Variants in FLRT2 observed in about 807,000 individuals in gnomAD.
FLRT2 encodes the protein fibronectin leucine rich transmembrane protein 2, also known as leucine-rich repeat transmembrane protein FLRT2.
A neutral mutation model predicts 40.0 loss-of-function variants in FLRT2; 15 were observed. The ratio of observed to expected loss-of-function variants is 0.38; its 90% confidence interval spans 0.25 to 0.58. The LOEUF is 0.58. Among genes scored for constraint, FLRT2 ranks in the 20% least tolerant of loss-of-function variants. The pLI is 0.71. For synonymous variants in FLRT2, 380 were observed against 336.8 expected, an observed-to-expected ratio of 1.13 and a Z score of -1.41; for missense variants, 726 against 840.0, an observed-to-expected ratio of 0.86 and a Z score of 1.68.
chr14:85,533,600 C>G (rs1461172313), intron 1 of FLRT2, among the ~76,000 whole-genome samples: 1 of 152,030 alleles, frequency 6.6e-6, no homozygotes, highest in Non-Finnish European at 1.5e-5. Context: ...GTTGGCTTGG[C>G]GAAGCGGAGA....
At chr14:85,566,811 G>A (rs1890647354) in intron 1 of FLRT2, among the ~76,000 whole-genome samples, 1 of 150,096 alleles carries the variant, frequency 6.7e-6, no homozygotes, top group Non-Finnish European at 1.5e-5. Context: ...CTATGTATTA[G>A]CTTCCCAGGA....
Position 85,644,544 on chromosome 14 carries a change from A to C in FLRT2, c.*21047A>C, listed in dbSNP as rs1894245056. 1 of 152,172 alleles carries C rather than the reference A, an allele frequency of 6.6e-6. No individual in the cohort carries two copies. Among genetic ancestry groups the C allele is most frequent in the African/African-American group, 2.4e-5 (1 of 41,436 alleles). 9.4% of individuals were successfully genotyped at this position (152,172 alleles called of 1,614,324 possible). A position where few individuals can be genotyped will look rare whatever the true frequency, so the allele number is the denominator to read the frequency against. ...CACATGCATTCAAGAAGGTAGAAGAAAATTCTCACTAAAACTCAGGGACAT... is the reference window on the plus strand; with the variant it reads ...CACATGCATTCAAGAAGGTAGAAGACAATTCTCACTAAAACTCAGGGACAT... On this transcript the variant is annotated 3_prime_UTR_variant, in exon 2 of 2. Coordinates refer to ENST00000330753, the MANE Select transcript of FLRT2 (RefSeq NM_013231.6).
rs922087932 is a variant in FLRT2 at position 85,640,604 on chromosome 14, C to A, written c.*17107C>A. ...CATCAAGGTCTGTACCATGATTGAA[C>A]TACTTGCTGCCATAAATTTTTTACT... On this transcript the variant is annotated 3_prime_UTR_variant, in exon 2 of 2. Coordinates refer to ENST00000330753, the MANE Select transcript of FLRT2 (RefSeq NM_013231.6). 1 of 152,134 alleles carries A rather than the reference C, an allele frequency of 6.6e-6. No homozygotes were observed. The highest frequency in any genetic ancestry group is 6.5e-5 in the Admixed American group (1 of 15,274). The allele number at this position is 152,134 out of a possible 1,614,324, so 9.4% of individuals were successfully genotyped here.
intron 1 of FLRT2, among the ~76,000 whole-genome samples, chr14:85,614,523 G>A (rs1893035491): frequency 6.6e-6 from 1 of 152,212 alleles, no homozygotes; most frequent in East Asian, 1.9e-4. Flanking sequence ...CCGGAAGAGA[G>A]AAGGACCAGT....
chr14:85,577,863 G>A (rs1891188274), intron 1 of FLRT2, among the ~76,000 whole-genome samples: 1 of 151,956 alleles, frequency 6.6e-6, no homozygotes, highest in South Asian at 2.1e-4. Context: ...TTACAGGTGT[G>A]AGCTACCACA....
chr14:85,569,437 G>A (rs116699512), intron 1 of FLRT2, among the ~76,000 whole-genome samples: 1 of 152,132 alleles, frequency 6.6e-6, no homozygotes, highest in Non-Finnish European at 1.5e-5. Flanking sequence ...TGGGACTGTG[G>A]GACCAGGACA....
chr14:85,612,148 GAA>G (rs11298273), intron 1 of FLRT2, among the ~76,000 whole-genome samples: 116 of 144,172 alleles, frequency 8.0e-4, no homozygotes, highest in South Asian at 3.3e-3. Flanking sequence ...TTTAAAAAAA[GAA>G]AAAAAAAAAC....
chr14:85,611,207 A>C (rs1333145628), intron 1 of FLRT2, among the ~76,000 whole-genome samples: 1 of 151,980 alleles, frequency 6.6e-6, no homozygotes, highest in East Asian at 1.9e-4. Flanking sequence ...CACCTTCCTG[A>C]CTGTAGGGAC....
In FLRT2 at chr14:85,623,348, T is replaced by C; in HGVS notation, c.1834T>C (p.Leu612=). The change falls in exon 2 of 2, where the codon TTA becomes CTA. Residue 612 remains leucine (L), a synonymous_variant. Coordinates refer to ENST00000330753, the MANE Select transcript of FLRT2 (RefSeq NM_013231.6). ...AGAAACCAGTTTTCAGATCGTCTCC[T>C]TAAATAACGATCAACTCCTTAAAGG... ...MTETSFQIVS[L]NNDQLLKGDF... 3 of 1,523,488 alleles carry C rather than the reference T, an allele frequency of 2.0e-6. No individual in the cohort carries two copies. Among genetic ancestry groups the C allele is most frequent in the Non-Finnish European group, 2.6e-6 (3 of 1,137,406 alleles). 94.4% of individuals were successfully genotyped at this position (1,523,488 alleles called of 1,614,324 possible). A position where few individuals can be genotyped will look rare whatever the true frequency, so the allele number is the denominator to read the frequency against.
chr14:85,627,691 G>A lies in FLRT2; in HGVS notation c.*4194G>A, dbSNP rs10309. ...CATTGCCAAGTGTGTGTCGCTCATA[G>A]GACTAGTGTATATTCACTGAAAGTT... On this transcript the variant is annotated 3_prime_UTR_variant, in exon 2 of 2. Transcript: ENST00000330753. The A allele has an allele frequency of 0.22, 36,313 of 166,970 alleles. 4,346 individuals carry two copies. Among genetic ancestry groups the A allele is most frequent in the Non-Finnish European group, 0.28 (18,956 of 68,068 alleles). 10.3% of individuals were successfully genotyped at this position (166,970 alleles called of 1,614,324 possible).
intron 1 of FLRT2, among the ~76,000 whole-genome samples, chr14:85,589,572 C>A (rs551608488): frequency 3.1e-4 from 47 of 151,996 alleles, no homozygotes; most frequent in African/African-American, 1.1e-3. Flanking sequence ...TGTCTCTTCA[C>A]CTTGTGGATT....
At position 85,623,315 on chromosome 14, in the gene FLRT2, G is replaced by A; in HGVS notation, c.1801G>A (p.Glu601Lys). The stretch of plus-strand genomic sequence containing the variant: ...CACCAAGAAGGACAACTCCATCCTG[G>A]AGATGACAGAAACCAGTTTTCAGAT... ...AGTKKDNSIL[E>K]MTETSFQIVS... The change falls in exon 2 of 2, where the codon GAG becomes AAG. Residue 601 changes from glutamate to lysine, a missense_variant. By Grantham distance (56) the Glu-to-Lys change is moderately conservative. Transcript: ENST00000330753. 6.6e-7 allele frequency: 1 copy of A among 1,516,022 alleles called. No individual in the cohort carries two copies. Among genetic ancestry groups the A allele is most frequent in the Non-Finnish European group, 8.8e-7 (1 of 1,133,552 alleles). The allele number at this position is 1,516,022 out of a possible 1,614,324, so 93.9% of individuals were successfully genotyped here. A position where few individuals can be genotyped will look rare whatever the true frequency, so the allele number is the denominator to read the frequency against.
rs1223448944 is a variant in FLRT2, at chr14:85,637,890, G to A, written c.*14393G>A. 2.0e-5 allele frequency: 3 copies of A among 152,142 alleles called. No individual in the cohort carries two copies. The highest frequency in any genetic ancestry group is 2.0e-4 in the Admixed American group (3 of 15,274). The allele number at this position is 152,142 out of a possible 1,614,324, so 9.4% of individuals were successfully genotyped here. On this transcript the variant is annotated 3_prime_UTR_variant, in exon 2 of 2. Transcript: ENST00000330753. ...TAATTATATGAACCCATATAGTAGT[G>A]TCATTTAAAGGGAATTTAAATTCTC...
At chr14:85,543,689 A>G (rs564038519) in intron 1 of FLRT2, among the ~76,000 whole-genome samples, 185 of 152,232 alleles carry the variant, frequency 1.2e-3, no homozygotes, top group Non-Finnish European at 2.1e-3. Flanking sequence ...CTGTACCCTC[A>G]TGCCAAACAT....
At position 85,621,897 on chromosome 14, in the gene FLRT2, C is replaced by T; in HGVS notation, c.383C>T (p.Ala128Val). 6 of 1,605,970 alleles carry T rather than the reference C, an allele frequency of 3.7e-6. No homozygotes were observed. Among genetic ancestry groups the T allele is most frequent in the Non-Finnish European group, 5.1e-6 (6 of 1,175,284 alleles). The change falls in exon 2 of 2, where the codon GCT becomes GTT. Residue 128 changes from alanine to valine, a missense_variant. Physicochemically the swap from Ala to Val is moderately conservative, Grantham distance 64. Coordinates refer to ENST00000330753, the MANE Select transcript of FLRT2 (RefSeq NM_013231.6). ...AATATTCAGACCATTTCACGGGCTG[C>T]TCTTGCCCAGCTCTTGAAGCTTGAA... Reference protein sequence around the residue: ...ENNIQTISRAALAQLLKLEEL... With the variant: ...ENNIQTISRAVLAQLLKLEEL...
chr14:85,581,827 G>A (rs182930040), intron 1 of FLRT2, among the ~76,000 whole-genome samples: 264 of 152,274 alleles, frequency 1.7e-3, no homozygotes, highest in African/African-American at 6.0e-3. Context: ...CTTGGTGTAA[G>A]GTTTGGAATC....
Position 85,633,891 on chromosome 14 carries a change from C to T in FLRT2, c.*10394C>T, listed in dbSNP as rs1205717490. ...AGTTTTATTTGATGCTAGTACACCA[C>T]CAATTACGGCATTTAAATCCACACT... On this transcript the variant is annotated 3_prime_UTR_variant, in exon 2 of 2. Coordinates refer to ENST00000330753, the MANE Select transcript of FLRT2 (RefSeq NM_013231.6). 6.6e-6 allele frequency: 1 copy of T among 152,112 alleles called. No individual in the cohort carries two copies. The highest frequency in any genetic ancestry group is 1.9e-4 in the East Asian group (1 of 5,198). The allele number at this position is 152,112 out of a possible 1,614,324, so 9.4% of individuals were successfully genotyped here.
At chr14:85,570,512 G>A (rs1187416978) in intron 1 of FLRT2, among the ~76,000 whole-genome samples, 5 of 151,620 alleles carry the variant, frequency 3.3e-5, no homozygotes, top group Non-Finnish European at 7.4e-5. Context: ...TAGTTTTACA[G>A]ACTTTTTTAG....
rs1894339526 is a variant in FLRT2 at position 85,647,729 on chromosome 14, C to T, written c.*24232C>T. ...AGAAACATCTCTAAGAACTTCCATGCTTTTTTGTCAAGTTAAATGGACAAC... is the reference window on the plus strand; with the variant it reads ...AGAAACATCTCTAAGAACTTCCATGTTTTTTTGTCAAGTTAAATGGACAAC... On this transcript the variant is annotated 3_prime_UTR_variant, in exon 2 of 2. Transcript: ENST00000330753. 1.3e-5 allele frequency: 2 copies of T among 152,114 alleles called. No homozygotes were observed. The highest frequency in any genetic ancestry group is 2.4e-5 in the African/African-American group (1 of 41,412). 9.4% of individuals were successfully genotyped at this position (152,114 alleles called of 1,614,324 possible). A position where few individuals can be genotyped will look rare whatever the true frequency, so the allele number is the denominator to read the frequency against.
Sources: allele counts gnomAD v4.1 joint callset (sites outside exome capture counted in the v4.1 genomes callset), GRCh38; gene constraint gnomAD v4.1.1; transcripts MANE v1.5; gene names NCBI Gene and HGNC (gene_info 2026-07-23, HGNC 2026-07-21).